The following ATP10A variants were observed in gnomAD, a reference collection of about 807,000 sequenced individuals.
ATP10A encodes the protein phospholipid-transporting ATPase VA.
ATP10A carries 111 observed loss-of-function variants against 147.8 expected under a neutral mutation model. The ratio of observed to expected loss-of-function variants is 0.75; its 90% CI spans 0.64 to 0.88. The LOEUF is 0.88. ATP10A is among the 40% of genes least tolerant of loss of function. The probability of loss-of-function intolerance (pLI) is 0.00; values close to 1 mark genes in which losing one functional copy is unlikely to be tolerated. For synonymous variants in ATP10A, 875 were observed against 841.6 expected, an observed-to-expected ratio of 1.04 and a Z score of -0.69; for missense variants, 1,927 against 1,959.0, an observed-to-expected ratio of 0.98 and a Z score of 0.31.
chr15:25,819,480 G>A (rs1433840193), intron 1 of ATP10A, among the ~76,000 whole-genome samples: 2 of 152,104 alleles, frequency 1.3e-5, no homozygotes, highest in African/African-American at 4.8e-5. Flanking sequence ...TGGTGGAAAT[G>A]TAAATTAGTA....
rs568155123 is a variant in ATP10A, at chr15:25,686,842, C to T, written c.3291+861G>A. Among the ~76,000 whole-genome samples the T allele has an allele frequency of 3.2e-4, 34 of 107,830 alleles. 10 individuals are homozygous for T. The highest frequency in any genetic ancestry group is 1.8e-3 in the South Asian group (6 of 3,262). The allele number at this position is 107,830 out of a possible 152,430, so 70.7% of individuals were successfully genotyped here. A position where few individuals can be genotyped will look rare whatever the true frequency, so the allele number is the denominator to read the frequency against. On this transcript the variant is annotated intron_variant, in intron 16 of 20. Coordinates refer to ENST00000555815, the MANE Select transcript of ATP10A (RefSeq NM_024490.4). Reference sequence around the variant, plus strand: ...GCAGGGCTATGGAGGAGCCCATCTGCCAAAGAAGCAGTGAAGAAGGAACGA... The same window carrying T: ...GCAGGGCTATGGAGGAGCCCATCTGTCAAAGAAGCAGTGAAGAAGGAACGA...
chr15:25,767,792 C>T (rs1040296845), intron 2 of ATP10A, among the ~76,000 whole-genome samples: 1 of 152,242 alleles, frequency 6.6e-6, no homozygotes, highest in African/African-American at 2.4e-5. Context: ...GCAGCCACTG[C>T]AGTGAGCAAG....
intron 3 of ATP10A, 126 bp from the exon 4 acceptor site, chr15:25,727,392 G>C (rs921495922): frequency 1.1e-6 from 1 of 878,088 alleles, no homozygotes; most frequent in Non-Finnish European, 1.8e-6. Context: ...ATCTGGACTG[G>C]GAAGGGTACA....
At position 25,683,392 on chromosome 15, in the gene ATP10A, A is replaced by G. The variant is rs776984475; in HGVS notation, c.3386T>C (p.Leu1129Pro). The change falls in exon 17 of 21, where the codon CTC (leucine) becomes CCC (proline). Residue 1129 changes from leucine to proline, a missense_variant. By Grantham distance (98) the Leu-to-Pro change is moderately conservative. Coordinates refer to ENST00000555815, the MANE Select transcript of ATP10A (RefSeq NM_024490.4). ...DQWYLIFFNLLFSSLPPLVTG... is the reference protein window; with the variant it reads ...DQWYLIFFNLPFSSLPPLVTG... ...CACGAGCGGGGGAAGTGACGAGAAG[A>G]GCAGATTAAAGAAGATTAGATACCA... 1.2e-6 allele frequency: 2 copies of G among 1,614,106 alleles called. No individual in the cohort carries two copies. The highest frequency in any genetic ancestry group is 8.5e-7 in the Non-Finnish European group (1 of 1,180,024).
Position 25,695,015 on chromosome 15 carries a change from A to G in ATP10A, c.2892T>C (p.Thr964=). Residue 964 remains threonine (T), a synonymous_variant, in exon 14 of 21, where the codon ACT becomes ACC. Coordinates refer to ENST00000555815, the MANE Select transcript of ATP10A (RefSeq NM_024490.4). ...CGAGGCTGGGTCTGCGGCCAGAGGC[A>G]GTGGACGTGGAGGGTGGGCAGAGAG... ...FSSLCPPSTS[T]ASGRRPSLVI... 1 of 1,614,180 alleles carries G rather than the reference A, an allele frequency of 6.2e-7. No individual in the cohort carries two copies. The highest frequency in any genetic ancestry group is 8.5e-7 in the Non-Finnish European group (1 of 1,180,032).
At chr15:25,849,420 G>A (rs1369888169) in intron 1 of ATP10A, among the ~76,000 whole-genome samples, 1 of 152,212 alleles carries the variant, frequency 6.6e-6, no homozygotes, top group Non-Finnish European at 1.5e-5. Context: ...TGAATAAGCA[G>A]GAACTGAGTT....
At chr15:25,829,450 T>C (rs1280726388) in intron 1 of ATP10A, among the ~76,000 whole-genome samples, 1 of 152,244 alleles carries the variant, frequency 6.6e-6, no homozygotes, top group Admixed American at 6.5e-5. Context: ...ATGTTATTTG[T>C]TCTTTCAAAA....
At chr15:25,777,096 C>CGTGCGTGTGTGTGT (rs1555468163) in intron 2 of ATP10A, among the ~76,000 whole-genome samples, 24 of 149,808 alleles carry the variant, frequency 1.6e-4, no homozygotes, top group Non-Finnish European at 3.1e-4. Context: ...TGCATACGTG[C>CGTGCGTGTGTGTGT]GTGTGTGTGT....
chr15:25,740,248 AT>A lies in ATP10A; in HGVS notation c.655-4108del, dbSNP rs201583564. On this transcript the variant is annotated intron_variant, in intron 2 of 20. Coordinates refer to ENST00000555815, the MANE Select transcript of ATP10A (RefSeq NM_024490.4). ...ACAGTCCATTAAAGAGGATACTGTTATTTTTTTTCTATCATAAAAAAACTAA... is the reference window on the plus strand; with the variant it reads ...ACAGTCCATTAAAGAGGATACTGTTATTTTTTTCTATCATAAAAAAACTAA... Among the ~76,000 whole-genome samples the A allele has an allele frequency of 6.1e-3, 928 of 152,240 alleles. 7 individuals are homozygous for A. The highest frequency in any genetic ancestry group is 0.021 in the African/African-American group (878 of 41,530).
intron 13 of ATP10A, among the ~76,000 whole-genome samples, chr15:25,699,600 G>T (rs1900548497): frequency 6.6e-6 from 1 of 152,158 alleles, no homozygotes; most frequent in Non-Finnish European, 1.5e-5. Context: ...CAGGCACAGT[G>T]GCTCAAGTCT....
At chr15:25,698,061 CA>C (rs1900447715) in intron 13 of ATP10A, among the ~76,000 whole-genome samples, 1 of 151,792 alleles carries the variant, frequency 6.6e-6, no homozygotes, top group African/African-American at 2.4e-5. Context: ...GGCATGATGA[CA>C]AAATGTAATG....
At position 25,714,199 on chromosome 15, in the gene ATP10A, C is replaced by G. The variant is rs372736921; in HGVS notation, c.1819G>C (p.Glu607Gln). The G allele has an allele frequency of 3.1e-6, 5 of 1,603,370 alleles. No homozygotes were observed. In the African/African-American group the frequency reaches 4.0e-5, roughly 13 times the overall value. Reference protein sequence around the residue: ...FELKSPVKTIEDFLRRFTPSC... With the variant: ...FELKSPVKTIQDFLRRFTPSC... ...GGTGTGAACCTCCGCAGGAAGTCTT[C>G]TATCGTCTTCACCGGGGACTTCAGC... The change falls in exon 10 of 21, where the codon GAA (glutamate) becomes CAA (glutamine). Residue 607 changes from glutamate to glutamine, a missense_variant. Coordinates refer to ENST00000555815, the MANE Select transcript of ATP10A (RefSeq NM_024490.4).
chr15:25,787,486 C>A (rs1032812529), intron 1 of ATP10A, among the ~76,000 whole-genome samples: 2 of 151,968 alleles, frequency 1.3e-5, no homozygotes, highest in East Asian at 2.0e-4. Flanking sequence ...TGCTGGCACA[C>A]CTTGGTCCGA....
intron 1 of ATP10A, among the ~76,000 whole-genome samples, chr15:25,822,008 G>C: frequency 6.6e-6 from 1 of 152,190 alleles, no homozygotes; most frequent in East Asian, 1.9e-4. Context: ...AGATGCGGAA[G>C]TTTCTGATCT....
intron 2 of ATP10A, among the ~76,000 whole-genome samples, chr15:25,753,863 A>G (rs1181862323): frequency 6.6e-6 from 1 of 151,466 alleles, no homozygotes; most frequent in Non-Finnish European, 1.5e-5. Flanking sequence ...TATAACCTTG[A>G]CCTCCTGGGC....
At chr15:25,740,993 C>T (rs1230483195) in intron 2 of ATP10A, among the ~76,000 whole-genome samples, 3 of 152,326 alleles carry the variant, frequency 2.0e-5, no homozygotes, top group East Asian at 1.9e-4. Context: ...CAGCATCAGG[C>T]GAAGTGCCCT....
chr15:25,718,502 C>A, intron 7 of ATP10A, 103 bp from the exon 8 acceptor site: 3 of 1,204,196 alleles, frequency 2.5e-6, no homozygotes, highest in Non-Finnish European at 3.5e-6. Context: ...TCCGGCAGGG[C>A]AGCCCCACAG....
intron 10 of ATP10A, chr15:25,709,143 A>C (rs969148146): frequency 6.6e-6 from 1 of 152,226 alleles, no homozygotes; most frequent in African/African-American, 2.4e-5. Context: ...GTCTAAGTAC[A>C]CATATAGAAC....
intron 1 of ATP10A, among the ~76,000 whole-genome samples, chr15:25,802,595 T>G (rs145144571): frequency 2.8e-4 from 42 of 152,082 alleles, no homozygotes; most frequent in African/African-American, 6.8e-4. Flanking sequence ...CTTCCTGGAG[T>G]CTCAGCGGAG....
Sources: allele counts gnomAD v4.1 joint callset (sites outside exome capture counted in the v4.1 genomes callset), GRCh38; gene constraint gnomAD v4.1.1; transcripts MANE v1.5; gene names NCBI Gene and HGNC (gene_info 2026-07-23, HGNC 2026-07-21).